CABCOCO1: variants seen among roughly 807,000 people sequenced by gnomAD.
CABCOCO1 encodes the protein ciliary associated calcium binding coiled-coil 1, also known as ciliary-associated calcium-binding coiled-coil protein 1.
A neutral mutation model predicts 35.7 loss-of-function variants in CABCOCO1; 28 were observed. That is an observed-to-expected ratio of 0.78 (90% confidence interval 0.58 to 1.07). CABCOCO1 has a LOEUF of 1.07. CABCOCO1 is among the 50% of genes least tolerant of loss of function. CABCOCO1 has a pLI of 0.00. For missense variants in CABCOCO1, 326 were observed against 309.2 expected, an observed-to-expected ratio of 1.05 and a Z score of -0.41; for synonymous variants, 95 against 100.1, an observed-to-expected ratio of 0.95 and a Z score of 0.30.
chr10:61,730,440 C>T (rs4542351), intron 5 of CABCOCO1, among the ~76,000 whole-genome samples: 139,382 of 152,102 alleles, frequency 0.92, 63,917 homozygotes, highest in Middle Eastern at 0.95. Context: ...AAAAAATAGA[C>T]ATATGAAGAG....
chr10:61,708,417 T>C (rs1407770550), intron 5 of CABCOCO1, among the ~76,000 whole-genome samples: 2 of 152,164 alleles, frequency 1.3e-5, no homozygotes, highest in Admixed American at 6.6e-5. Flanking sequence ...CTCTTTTCCA[T>C]TCGGGCTGCT....
chr10:61,762,786 G>A (rs377705798), intron 7 of CABCOCO1, among the ~76,000 whole-genome samples: 3 of 151,962 alleles, frequency 2.0e-5, no homozygotes, highest in Admixed American at 6.6e-5. Context: ...TAATTCCAGC[G>A]TTATCCACAA....
intron 7 of CABCOCO1, among the ~76,000 whole-genome samples, chr10:61,764,680 G>A (rs554691233): frequency 3.3e-5 from 5 of 152,014 alleles, no homozygotes; most frequent in South Asian, 4.2e-4. Flanking sequence ...CTGGAGGACC[G>A]CTCCATCCCT....
At chr10:61,751,593 T>G (rs1221967001) in intron 5 of CABCOCO1, among the ~76,000 whole-genome samples, 3 of 152,160 alleles carry the variant, frequency 2.0e-5, no homozygotes, top group Non-Finnish European at 4.4e-5. Flanking sequence ...CTGTCAATGA[T>G]TCCAGTAAGC....
chr10:61,749,165 A>T (rs2132077646), intron 5 of CABCOCO1, among the ~76,000 whole-genome samples: 1 of 152,174 alleles, frequency 6.6e-6, no homozygotes, highest in East Asian at 1.9e-4. Flanking sequence ...GCCTCCAGAA[A>T]GTTTTTTGCA....
intron 5 of CABCOCO1, among the ~76,000 whole-genome samples, chr10:61,747,281 C>T (rs529489541): frequency 6.6e-6 from 1 of 152,202 alleles, no homozygotes; most frequent in African/African-American, 2.4e-5. Context: ...CCAGTCATTT[C>T]ATAGCATTTA....
chr10:61,677,103 G>T lies in CABCOCO1; in HGVS notation c.165-4040G>T, dbSNP rs761931821. 3.5e-4 allele frequency among the ~76,000 whole-genome samples: 47 copies of T among 135,356 alleles called. No individual in the cohort carries two copies. The Middle Eastern group carries it at 0.016, about 45-fold the overall frequency. The allele number at this position is 135,356 out of a possible 152,430, so 88.8% of individuals were successfully genotyped here. ...AATAATAATAATAATAAATTTTTCTGTTAGATTAGTAGATGTTAAGATTAT... is the reference window on the plus strand; with the variant it reads ...AATAATAATAATAATAAATTTTTCTTTTAGATTAGTAGATGTTAAGATTAT... On this transcript the variant is annotated intron_variant, in intron 2 of 7. Coordinates refer to ENST00000648843, the MANE Select transcript of CABCOCO1 (RefSeq NM_001366906.2).
At chr10:61,751,033 G>A (rs375745037) in intron 5 of CABCOCO1, among the ~76,000 whole-genome samples, 3 of 152,104 alleles carry the variant, frequency 2.0e-5, no homozygotes, top group Non-Finnish European at 4.4e-5. Flanking sequence ...GCACAAGGGC[G>A]ATGACGAGAA....
At chr10:61,707,094 C>A (rs1391905176) in intron 5 of CABCOCO1, among the ~76,000 whole-genome samples, 1 of 152,068 alleles carries the variant, frequency 6.6e-6, no homozygotes, top group Non-Finnish European at 1.5e-5. Flanking sequence ...AAATGAGATT[C>A]GAATTGGGTT....
chr10:61,746,748 G>A (rs1327513797), intron 5 of CABCOCO1, among the ~76,000 whole-genome samples: 2 of 152,048 alleles, frequency 1.3e-5, no homozygotes, highest in Admixed American at 1.3e-4. Context: ...GCCTATTTAA[G>A]GAATATTCTA....
At chr10:61,748,018 C>T (rs549389905) in intron 5 of CABCOCO1, among the ~76,000 whole-genome samples, 67 of 152,248 alleles carry the variant, frequency 4.4e-4, no homozygotes, top group African/African-American at 1.5e-3. Context: ...TTCTACATAA[C>T]TTCACCTAGC....
intron 5 of CABCOCO1, among the ~76,000 whole-genome samples, chr10:61,716,958 A>T (rs1840882743): frequency 6.6e-6 from 1 of 152,184 alleles, no homozygotes. Flanking sequence ...ACTAAATAAT[A>T]GTTGTGTGTA....
chr10:61,719,901 G>A (rs1327455561), intron 5 of CABCOCO1, among the ~76,000 whole-genome samples: 64 of 126,930 alleles, frequency 5.0e-4, no homozygotes, highest in African/African-American at 1.9e-3. Context: ...AGCCTGGGCA[G>A]CAGAGTGAGA....
intron 7 of CABCOCO1, among the ~76,000 whole-genome samples, chr10:61,762,410 G>A (rs1014562575): frequency 6.6e-6 from 1 of 152,072 alleles, no homozygotes; most frequent in African/African-American, 2.4e-5. Context: ...AAGTTCAATA[G>A]CTTGCTCACC....
At chr10:61,740,430 G>T (rs992164396) in intron 5 of CABCOCO1, among the ~76,000 whole-genome samples, 1 of 152,174 alleles carries the variant, frequency 6.6e-6, no homozygotes, top group Admixed American at 6.5e-5. Context: ...GCAAGCCTAC[G>T]GGATATTCAT....
chr10:61,673,283 T>C (rs1362795040), intron 2 of CABCOCO1, among the ~76,000 whole-genome samples: 1 of 152,238 alleles, frequency 6.6e-6, no homozygotes, highest in African/African-American at 2.4e-5. Flanking sequence ...TCTCACTCTT[T>C]AGGCCATTTA....
chr10:61,765,065 G>A (rs972981810), intron 7 of CABCOCO1, among the ~76,000 whole-genome samples: 4 of 152,028 alleles, frequency 2.6e-5, no homozygotes, highest in African/African-American at 7.2e-5. Context: ...TAATGTTATA[G>A]CTATTAGAAA....
chr10:61,710,162 GA>G (rs1664814887), intron 5 of CABCOCO1, among the ~76,000 whole-genome samples: 1 of 151,666 alleles, frequency 6.6e-6, no homozygotes, highest in African/African-American at 2.4e-5. Context: ...ATCACTGATG[GA>G]AACTTTTTAT....
intron 5 of CABCOCO1, among the ~76,000 whole-genome samples, chr10:61,726,067 C>T (rs1429993521): frequency 3.3e-5 from 5 of 152,166 alleles, no homozygotes; most frequent in African/African-American, 9.7e-5. Context: ...TGGGATTCCA[C>T]TACAGTGCGA....
Sources: allele counts gnomAD v4.1 joint callset (sites outside exome capture counted in the v4.1 genomes callset), GRCh38; gene constraint gnomAD v4.1.1; transcripts MANE v1.5; gene names NCBI Gene and HGNC (gene_info 2026-07-23, HGNC 2026-07-21).